The following NAV3 variants were observed in gnomAD, a reference collection of about 807,000 sequenced individuals.
The protein encoded by NAV3 is pore membrane and/or filament interacting like protein 1.
A neutral mutation model predicts 244.7 loss-of-function variants in NAV3; 87 were observed. The ratio of observed to expected loss-of-function variants is 0.36; its 90% CI spans 0.30 to 0.42. NAV3 has a LOEUF of 0.42. NAV3 is among the 20% of genes least tolerant of loss of function. The pLI is 1.00. For synonymous variants in NAV3, 1,126 were observed against 1,042.2 expected (o/e 1.08, Z -1.55); for missense variants, 2,663 against 2,893.3 (o/e 0.92, Z 1.83).
chr12:77,664,696 A>G (rs753175736), intron 2 of NAV3, among the ~76,000 whole-genome samples: 3 of 152,168 alleles, frequency 2.0e-5, no homozygotes, highest in Non-Finnish European at 4.4e-5. Flanking sequence ...GTCAGTTAAA[A>G]TGTAGTATCT....
intron 2 of NAV3, among the ~76,000 whole-genome samples, chr12:77,657,356 G>A (rs1873168551): frequency 1.3e-5 from 2 of 152,168 alleles, no homozygotes; most frequent in Admixed American, 1.3e-4. Context: ...AGAAAATCTA[G>A]AAGAAATGGA....
intron 2 of NAV3, among the ~76,000 whole-genome samples, chr12:77,754,811 T>C (rs1216373387): frequency 6.6e-6 from 1 of 152,214 alleles, no homozygotes; most frequent in Non-Finnish European, 1.5e-5. Flanking sequence ...TTTGTTTTCC[T>C]CTGCCTTGGG....
chr12:77,984,652 G>A (rs189662103), intron 5 of NAV3, among the ~76,000 whole-genome samples: 1 of 152,208 alleles, frequency 6.6e-6, no homozygotes, highest in Admixed American at 6.5e-5. Flanking sequence ...GCTGGCTGTA[G>A]ATTCCTTGCT....
chr12:77,889,914 A>G (rs187339214), intron 1 of NAV3, among the ~76,000 whole-genome samples: 175 of 152,296 alleles, frequency 1.1e-3, no homozygotes, highest in African/African-American at 3.9e-3. Context: ...TGAACTCTGT[A>G]TAAGTACATA....
Position 77,895,955 on chromosome 12 carries a change from TAAAAAAAAAAAA to T in NAV3, c.244-44351_244-44340del, listed in dbSNP as rs755975061. ...ACTGCCTTTTGATCTCAATTTCCAG[TAAAAAAAAAAAA>T]AAAAAAAAAAAAGAGGAACTCTTTT... On this transcript the variant is annotated intron_variant, in intron 1 of 39. Coordinates refer to ENST00000397909, the MANE Select transcript of NAV3 (RefSeq NM_001024383.2). Among the ~76,000 whole-genome samples, 6 of 104,594 alleles carry T rather than the reference TAAAAAAAAAAAA, an allele frequency of 5.7e-5. No individual in the cohort carries two copies. The East Asian group carries it at 1.6e-3, about 29-fold the overall frequency. The allele number at this position is 104,594 out of a possible 152,430, so 68.6% of individuals were successfully genotyped here.
intron 38 of NAV3, 136 bp from the exon 39 acceptor site, chr12:78,204,799 G>T: frequency 1.4e-6 from 1 of 708,600 alleles, no homozygotes; most frequent in Non-Finnish European, 2.3e-6. Context: ...CTGCAAAACT[G>T]TATACAGATA....
rs547083126 is a variant in NAV3 at position 77,883,325 on chromosome 12, G to T, written c.243+51621G>T. Reference sequence around the variant, plus strand: ...ATGCAACTGAAGGCCATTATCCCAAGCAAATTAACACAAGAATGGAAAAGC... The same window carrying T: ...ATGCAACTGAAGGCCATTATCCCAATCAAATTAACACAAGAATGGAAAAGC... On this transcript the variant is annotated intron_variant, in intron 1 of 39. Transcript: ENST00000397909. Among the ~76,000 whole-genome samples the T allele has an allele frequency of 4.6e-5, 7 of 152,180 alleles. No individual in the cohort carries two copies. The East Asian group carries it at 1.4e-3, about 29-fold the overall frequency.
At chr12:77,684,921 A>G (rs1025843354) in intron 2 of NAV3, among the ~76,000 whole-genome samples, 2 of 152,224 alleles carry the variant, frequency 1.3e-5, no homozygotes, top group South Asian at 4.1e-4. Context: ...TTTTCCTTTC[A>G]CTATTGAATT....
intron 2 of NAV3, among the ~76,000 whole-genome samples, chr12:77,788,218 T>G (rs985164729): frequency 7.2e-5 from 11 of 152,242 alleles, no homozygotes; most frequent in African/African-American, 2.7e-4. Context: ...ATATAACATG[T>G]ATACCTAAAT....
chr12:78,102,984 G>C (rs1954614422), intron 12 of NAV3, among the ~76,000 whole-genome samples: 1 of 152,148 alleles, frequency 6.6e-6, no homozygotes, highest in African/African-American at 2.4e-5. Context: ...ACATGCCCTG[G>C]AGACATTTTC....
chr12:78,059,973 G>A (rs10047518), intron 12 of NAV3, among the ~76,000 whole-genome samples: 1,622 of 151,890 alleles, frequency 0.011, 27 homozygotes, highest in African/African-American at 0.037. Context: ...GTGTGTGTGT[G>A]TGTGTGTGTC....
chr12:77,878,470 C>A (rs1444309891), intron 1 of NAV3, among the ~76,000 whole-genome samples: 1 of 152,064 alleles, frequency 6.6e-6, no homozygotes, highest in African/African-American at 2.4e-5. Flanking sequence ...CTCAACTGAT[C>A]TGCCCATCTC....
At chr12:77,826,639 A>T (rs563271849), upstream of NAV3, among the ~76,000 whole-genome samples, 41 of 152,378 alleles carry the variant, frequency 2.7e-4, no homozygotes, top group African/African-American at 9.4e-4. Context: ...TACATATAAC[A>T]CATGGATAAA....
At chr12:78,168,040 T>C (rs1471177083) in intron 23 of NAV3, among the ~76,000 whole-genome samples, 1 of 151,766 alleles carries the variant, frequency 6.6e-6, no homozygotes, top group Non-Finnish European at 1.5e-5. Context: ...AAATTTGATC[T>C]GTAAGCTGCT....
rs185756632 is a variant in NAV3 at position 77,883,031 on chromosome 12, T to A, written c.243+51327T>A. Among the ~76,000 whole-genome samples the A allele has an allele frequency of 5.9e-5, 9 of 152,268 alleles. No individual in the cohort carries two copies. In the East Asian group the frequency reaches 1.7e-3, roughly 29 times the overall value. On this transcript the variant is annotated intron_variant, in intron 1 of 39. Coordinates refer to ENST00000397909, the MANE Select transcript of NAV3 (RefSeq NM_001024383.2). The stretch of plus-strand genomic sequence containing the variant: ...CCTCTGTGGAAAGCAGTTTGGAGAT[T>A]TCTCAAAGAACTTAAAACAGAGCAA...
intron 12 of NAV3, among the ~76,000 whole-genome samples, chr12:78,062,210 A>G (rs1465741550): frequency 6.6e-6 from 1 of 152,144 alleles, no homozygotes; most frequent in African/African-American, 2.4e-5. Context: ...AGCATACTGT[A>G]GGAACTCAAT....
intron 9 of NAV3, among the ~76,000 whole-genome samples, chr12:78,024,016 C>T (rs1190755688): frequency 1.3e-5 from 2 of 152,140 alleles, no homozygotes; most frequent in East Asian, 1.9e-4. Context: ...GCACTGCACT[C>T]TCACTGATTA....
At position 77,917,231 on chromosome 12, in the gene NAV3, G is replaced by A. The variant is rs796242415; in HGVS notation, c.244-23088G>A. Reference sequence around the variant, plus strand: ...CTTTAACCTTCCTTATAACTAAATGGCACATATAGTATTATTATCTGTGAC... The same window carrying A: ...CTTTAACCTTCCTTATAACTAAATGACACATATAGTATTATTATCTGTGAC... On this transcript the variant is annotated intron_variant, in intron 1 of 39. Transcript: ENST00000397909. 2.0e-5 allele frequency among the ~76,000 whole-genome samples: 3 copies of A among 151,938 alleles called. No homozygotes were observed. The East Asian group carries it at 5.8e-4, about 29-fold the overall frequency.
intron 28 of NAV3, 128 bp from the exon 29 acceptor site, chr12:78,179,401 G>A (rs1958403972): frequency 9.5e-7 from 1 of 1,048,340 alleles, no homozygotes; most frequent in African/African-American, 1.6e-5. Flanking sequence ...TTTTCTCTAG[G>A]TTTTGCCAGC....
Sources: allele counts gnomAD v4.1 joint callset (sites outside exome capture counted in the v4.1 genomes callset), GRCh38; gene constraint gnomAD v4.1.1; transcripts MANE v1.5; gene names NCBI Gene and HGNC (gene_info 2026-07-23, HGNC 2026-07-21).